Variants in CHST15 observed in about 807,000 individuals in gnomAD.
CHST15 encodes carbohydrate sulfotransferase 15, also known as B cell RAG associated protein (GALNAC4S-6ST).
A neutral mutation model predicts 53.6 loss-of-function variants in CHST15; 30 were observed. The ratio of observed to expected loss-of-function variants is 0.56; its 90% confidence interval spans 0.42 to 0.76. CHST15 has a LOEUF of 0.76. Ranked by LOEUF, CHST15 falls within the 30% of genes least tolerant of loss-of-function variation. The probability of loss-of-function intolerance (pLI) is 0.00; values close to 1 mark genes in which losing one functional copy is unlikely to be tolerated. For synonymous variants in CHST15, 296 were observed against 289.8 expected (o/e 1.02, Z -0.22); for missense variants, 627 against 740.5 (o/e 0.85, Z 1.78).
intron 5 of CHST15, 111 bp from the exon 6 acceptor site, chr10:124,021,523 G>T: frequency 6.7e-7 from 1 of 1,494,252 alleles, no homozygotes. Context: ...CCTGATTGAA[G>T]CACAACCACC....
In CHST15 at chr10:124,039,194, G is replaced by C. The variant is rs576063737; in HGVS notation, c.1034-523C>G. 2.6e-5 allele frequency among the ~76,000 whole-genome samples: 4 copies of C among 152,308 alleles called. No individual in the cohort carries two copies. In the South Asian group the frequency reaches 8.3e-4, roughly 32 times the overall value. On this transcript the variant is annotated intron_variant, in intron 4 of 7. Coordinates refer to ENST00000435907, the MANE Select transcript of CHST15 (RefSeq NM_001270764.2). ...ACAGTAGATGGTTCTAGTAATAATA[G>C]ATGGAGTTCTCTCTGAACTGGGGGC... is the stretch of plus-strand genomic sequence containing the variant.
At chr10:124,083,650 C>T (rs1489362014) in intron 1 of CHST15, among the ~76,000 whole-genome samples, 3 of 152,172 alleles carry the variant, frequency 2.0e-5, no homozygotes, top group Non-Finnish European at 2.9e-5. Flanking sequence ...TAGGACGACA[C>T]AAAATGTCAG....
At chr10:124,066,299 G>C (rs776015226) in intron 1 of CHST15, among the ~76,000 whole-genome samples, 4 of 152,144 alleles carry the variant, frequency 2.6e-5, no homozygotes, top group Non-Finnish European at 5.9e-5. Flanking sequence ...GAAAGAAAGA[G>C]ACGGATGTTT....
Position 124,008,475 on chromosome 10 carries a change from G to A in CHST15, c.*1674C>T, listed in dbSNP as rs918133092. 9 of 991,040 alleles carry A rather than the reference G, an allele frequency of 9.1e-6. No individual in the cohort carries two copies. The highest frequency in any genetic ancestry group is 5.8e-5 in the Admixed American group (1 of 17,190). The allele number at this position is 991,040 out of a possible 1,614,324, so 61.4% of individuals were successfully genotyped here. ...GGCTGCTCCCAGTGCCGGCTATAGA[G>A]AAGGTGGGGACTGTCCCTGCAAGTG... is the stretch of plus-strand genomic sequence containing the variant. On this transcript the variant is annotated 3_prime_UTR_variant, in exon 8 of 8. Coordinates refer to ENST00000435907, the MANE Select transcript of CHST15 (RefSeq NM_001270764.2).
intron 1 of CHST15, among the ~76,000 whole-genome samples, chr10:124,084,993 AC>A (rs1202151995): frequency 1.3e-5 from 2 of 152,206 alleles, no homozygotes; most frequent in Non-Finnish European, 2.9e-5. Flanking sequence ...CCCCGGGGCA[AC>A]CCTGCTTTCT....
intron 1 of CHST15, among the ~76,000 whole-genome samples, chr10:124,086,330 C>T (rs985974115): frequency 2.0e-5 from 3 of 152,202 alleles, no homozygotes; most frequent in Non-Finnish European, 2.9e-5. Flanking sequence ...TGCCACAGGG[C>T]GACTGTTCTC....
Position 124,047,216 on chromosome 10 carries a change from A to G in CHST15, c.-512-492T>C, listed in dbSNP as rs79112290. Among the ~76,000 whole-genome samples the G allele has an allele frequency of 6.3e-3, 963 of 152,326 alleles. 8 individuals are homozygous for G. Among genetic ancestry groups the G allele is most frequent in the African/African-American group, 0.022 (928 of 41,574 alleles). ...AGAGAAAATGTGTTTTTTCCCTCTC[A>G]CTGGCATCAGCAGTCTCTTTCTTAG... On this transcript the variant is annotated intron_variant, in intron 1 of 7. Transcript: ENST00000435907.
intron 5 of CHST15, among the ~76,000 whole-genome samples, chr10:124,027,197 C>T (rs539906387): frequency 5.3e-5 from 8 of 152,252 alleles, no homozygotes; most frequent in African/African-American, 1.4e-4. Context: ...ACACTGGGCC[C>T]GTGCTCATGG....
chr10:124,062,945 C>T, intron 1 of CHST15, among the ~76,000 whole-genome samples: 1 of 152,100 alleles, frequency 6.6e-6, no homozygotes, highest in African/African-American at 2.4e-5. Context: ...AAGCTGCATG[C>T]AGACCAGCAA....
intron 1 of CHST15, among the ~76,000 whole-genome samples, chr10:124,057,168 A>G (rs1305638713): frequency 2.0e-5 from 3 of 152,214 alleles, no homozygotes; most frequent in Admixed American, 6.5e-5. Flanking sequence ...TTCTCCGTAT[A>G]TAAGATATGG....
At chr10:124,027,373 G>T (rs899900904) in intron 5 of CHST15, among the ~76,000 whole-genome samples, 10 of 152,186 alleles carry the variant, frequency 6.6e-5, no homozygotes, top group African/African-American at 2.2e-4. Context: ...GCAGTGGCAA[G>T]GCCCTACTAT....
chr10:124,028,911 C>A (rs1420606436), intron 5 of CHST15, among the ~76,000 whole-genome samples: 3 of 152,052 alleles, frequency 2.0e-5, no homozygotes, highest in South Asian at 2.1e-4. Context: ...ACCCCCCAAC[C>A]CCCCAGCTGG....
Position 124,045,120 on chromosome 10 carries a change from A to AAAAAAC in CHST15, c.547-202_547-201insGTTTTT, listed in dbSNP as rs1554911415. Among the ~76,000 whole-genome samples, 37 of 62,324 alleles carry AAAAAAC rather than the reference A, an allele frequency of 5.9e-4. 1 individual carries two copies. The highest frequency in any genetic ancestry group is 4.9e-3 in the East Asian group (10 of 2,042). The allele number at this position is 62,324 out of a possible 152,430, so 40.9% of individuals were successfully genotyped here. On this transcript the variant is annotated intron_variant, in intron 2 of 7. Transcript: ENST00000435907. Reference sequence around the variant, plus strand: ...TCTCCCCCGCCGCCCCACAAAAAAAAAAAAAAAAAAAAAAAAAAAAAAAAC... The same window carrying AAAAAAC: ...TCTCCCCCGCCGCCCCACAAAAAAAAAAAAACAAAAAAAAAAAAAAAAAAAAAAAAC...
In CHST15 at chr10:124,019,360, T is replaced by A. The variant is rs1946692494; in HGVS notation, c.1347+1896A>T. On this transcript the variant is annotated intron_variant, in intron 6 of 7. Transcript: ENST00000435907. This position sits in a 1 kb window ranked among gnomAD's most constrained non-coding sequence, Gnocchi z 4.6. Reference sequence around the variant, plus strand: ...CTCTCTCAGACTCACTCCGTAGGGGTCCAGGGCCAAGAGTCACAGCTGAGA... The same window carrying A: ...CTCTCTCAGACTCACTCCGTAGGGGACCAGGGCCAAGAGTCACAGCTGAGA... Among the ~76,000 whole-genome samples, 1 of 151,940 alleles carries A rather than the reference T, an allele frequency of 6.6e-6. No homozygotes were observed. Among genetic ancestry groups the A allele is most frequent in the South Asian group, 2.1e-4 (1 of 4,812 alleles).
rs1946342874 is a variant in CHST15, at chr10:124,009,106, T to C, written c.*1043A>G. 1 of 1,260,826 alleles carries C rather than the reference T, an allele frequency of 7.9e-7. No homozygotes were observed. The highest frequency in any genetic ancestry group is 1.3e-5 in the South Asian group (1 of 79,196). 78.1% of individuals were successfully genotyped at this position (1,260,826 alleles called of 1,614,324 possible). A position where few individuals can be genotyped will look rare whatever the true frequency, so the allele number is the denominator to read the frequency against. Reference sequence around the variant, plus strand: ...GTGGAGAATGTGGAAATAAACTATTTCCAATGGGAAGGCAGAGAAATGGAG... The same window carrying C: ...GTGGAGAATGTGGAAATAAACTATTCCCAATGGGAAGGCAGAGAAATGGAG... On this transcript the variant is annotated 3_prime_UTR_variant, in exon 8 of 8. Coordinates refer to ENST00000435907, the MANE Select transcript of CHST15 (RefSeq NM_001270764.2).
At position 124,038,570 on chromosome 10, in the gene CHST15, G is replaced by A. The variant is rs1339915609; in HGVS notation, c.1135C>T (p.His379Tyr). Residue 379 changes from histidine to tyrosine, a missense_variant, in exon 5 of 8, where the codon CAC becomes TAC. By Grantham distance (83) the His-to-Tyr change is moderately conservative. Around this residue, in one of 3 missense-constraint regions of CHST15, gnomAD observed 279 missense variants for 371.6 expected, o/e 0.75. Coordinates refer to ENST00000435907, the MANE Select transcript of CHST15 (RefSeq NM_001270764.2). ...EPPFLTQDFI[H>Y]AFQPNARLIV... is the part of the protein sequence containing the mutation. ...AGTCTGGCATTTGGCTGAAAGGCGTGGATGAAGTCCTGCGTCAGAAACGGT... is the reference window on the plus strand; with the variant it reads ...AGTCTGGCATTTGGCTGAAAGGCGTAGATGAAGTCCTGCGTCAGAAACGGT... The A allele has an allele frequency of 1.2e-6, 2 of 1,614,096 alleles. No homozygotes were observed. Among genetic ancestry groups the A allele is most frequent in the African/African-American group, 1.3e-5 (1 of 74,922 alleles).
At chr10:124,079,016 C>T (rs1405030321) in intron 1 of CHST15, among the ~76,000 whole-genome samples, 1 of 152,136 alleles carries the variant, frequency 6.6e-6, no homozygotes, top group Non-Finnish European at 1.5e-5. Flanking sequence ...GGACTCTGAG[C>T]AAGCATTCAG....
rs780735871 is a variant in CHST15 at position 124,009,891 on chromosome 10, C to T, written c.*258G>A. On this transcript the variant is annotated 3_prime_UTR_variant, in exon 8 of 8. Coordinates refer to ENST00000435907, the MANE Select transcript of CHST15 (RefSeq NM_001270764.2). ...CTGGCTGCATCCCCAAGCTCCAGGA[C>T]GCTCAGAGCAGAGCTGAATTCTTGA... The T allele has an allele frequency of 1.4e-5, 18 of 1,282,642 alleles. No homozygotes were observed. The highest frequency in any genetic ancestry group is 1.7e-5 in the Non-Finnish European group (17 of 1,009,680). 79.5% of individuals were successfully genotyped at this position (1,282,642 alleles called of 1,614,324 possible).
At chr10:124,075,967 C>A (rs1163333271) in intron 1 of CHST15, among the ~76,000 whole-genome samples, 3 of 152,198 alleles carry the variant, frequency 2.0e-5, no homozygotes, top group Non-Finnish European at 4.4e-5. Context: ...TCCAGAATGA[C>A]AAGGATGACC....
Sources: allele counts gnomAD v4.1 joint callset (sites outside exome capture counted in the v4.1 genomes callset), GRCh38; gene constraint gnomAD v4.1.1; regional missense constraint gnomAD v4.1.1; non-coding constraint Gnocchi (gnomAD v3.1); transcripts MANE v1.5; gene names NCBI Gene and HGNC (gene_info 2026-07-23, HGNC 2026-07-21).